The following GRIK2 variants were observed in gnomAD, a reference collection of about 807,000 sequenced individuals.
GRIK2 encodes glutamate ionotropic receptor kainate type subunit 2.
In GRIK2, 32 loss-of-function variants were observed where a neutral mutation model predicts 100.3. The ratio of observed to expected loss-of-function variants is 0.32; its 90% CI spans 0.24 to 0.43. The LOEUF (loss-of-function observed/expected upper bound fraction) is 0.43. Among genes scored for constraint, GRIK2 ranks in the 20% least tolerant of loss-of-function variants. The pLI is 1.00. For synonymous variants in GRIK2, 417 were observed against 389.4 expected (o/e 1.07, Z -0.83); for missense variants, 843 against 1,114.9 (o/e 0.76, Z 3.47).
At chr6:101,983,925 G>T (rs565408394) in intron 14 of GRIK2, among the ~76,000 whole-genome samples, 1 of 151,480 alleles carries the variant, frequency 6.6e-6, no homozygotes, top group South Asian at 2.1e-4. Flanking sequence ...TGAAAATTTT[G>T]GAAATATGTT....
At chr6:101,867,178 G>A (rs956108286) in intron 11 of GRIK2, among the ~76,000 whole-genome samples, 1 of 151,528 alleles carries the variant, frequency 6.6e-6, no homozygotes. Flanking sequence ...TTCCTTTTAC[G>A]CCCTTTCTGA....
intron 4 of GRIK2, among the ~76,000 whole-genome samples, chr6:101,676,053 A>G (rs1202008150): frequency 6.6e-6 from 1 of 152,200 alleles, no homozygotes; most frequent in Non-Finnish European, 1.5e-5. Context: ...AAGGCAATCT[A>G]GAATAATAAT....
intron 2 of GRIK2, among the ~76,000 whole-genome samples, chr6:101,447,284 C>T (rs1470529716): frequency 2.0e-5 from 3 of 151,450 alleles, no homozygotes; most frequent in African/African-American, 7.3e-5. Context: ...TGCCTCTTTC[C>T]ACAAATTTCC....
chr6:101,586,575 A>G (rs1314302447), intron 2 of GRIK2, among the ~76,000 whole-genome samples: 1 of 152,036 alleles, frequency 6.6e-6, no homozygotes, highest in Non-Finnish European at 1.5e-5. Context: ...GACAAAAGTC[A>G]TTGACACTGA....
intron 2 of GRIK2, among the ~76,000 whole-genome samples, chr6:101,604,727 T>C (rs1779368058): frequency 6.6e-6 from 1 of 151,964 alleles, no homozygotes; most frequent in African/African-American, 2.4e-5. Flanking sequence ...TATTTAGATA[T>C]GTAATGACCT....
chr6:101,580,540 C>A (rs1778026883), intron 2 of GRIK2, among the ~76,000 whole-genome samples: 1 of 152,152 alleles, frequency 6.6e-6, no homozygotes, highest in African/African-American at 2.4e-5. Context: ...TCACCTGCAT[C>A]TATCCATTGT....
At chr6:101,590,834 CTA>C (rs1166762101) in intron 2 of GRIK2, among the ~76,000 whole-genome samples, 1 of 151,992 alleles carries the variant, frequency 6.6e-6, no homozygotes, top group Non-Finnish European at 1.5e-5. Flanking sequence ...TAGACATTAA[CTA>C]TCTTTTACTA....
At chr6:101,491,049 C>T (rs1401574599) in intron 2 of GRIK2, among the ~76,000 whole-genome samples, 1 of 128,746 alleles carries the variant, frequency 7.8e-6, no homozygotes, top group African/African-American at 3.2e-5. Flanking sequence ...TCTACCACTC[C>T]TTGATGACCT....
chr6:101,930,371 A>G (rs1193208777), intron 14 of GRIK2, among the ~76,000 whole-genome samples: 1 of 151,774 alleles, frequency 6.6e-6, no homozygotes, highest in Non-Finnish European at 1.5e-5. Context: ...AAAATAAAAT[A>G]AATAAGTCGC....
chr6:101,548,993 A>G (rs1444300777), intron 2 of GRIK2, among the ~76,000 whole-genome samples: 2 of 152,108 alleles, frequency 1.3e-5, no homozygotes, highest in Non-Finnish European at 2.9e-5. Flanking sequence ...CCAGATGGTT[A>G]TTGAGTGTAT....
intron 10 of GRIK2, among the ~76,000 whole-genome samples, chr6:101,855,999 AT>A (rs913898356): frequency 3.9e-5 from 6 of 152,196 alleles, no homozygotes; most frequent in Non-Finnish European, 8.8e-5. Flanking sequence ...GAATTTGAGA[AT>A]GATTGCCTGG....
chr6:101,436,624 G>T lies in GRIK2; in HGVS notation c.115+37232G>T, dbSNP rs557845573. 1.7e-4 allele frequency among the ~76,000 whole-genome samples: 26 copies of T among 151,918 alleles called. No homozygotes were observed. In the East Asian group the frequency reaches 5.0e-3, roughly 29 times the overall value. On this transcript the variant is annotated intron_variant, in intron 2 of 16. Coordinates refer to ENST00000369134, the MANE Select transcript of GRIK2 (RefSeq NM_021956.5). ...CTGGATAGAGAATATATAATTTGGG[G>T]AATTGGTATCTTCAGCAAATTTTCA... is the stretch of plus-strand genomic sequence containing the variant.
At chr6:101,747,823 C>G (rs763689231) in intron 7 of GRIK2, among the ~76,000 whole-genome samples, 1 of 151,878 alleles carries the variant, frequency 6.6e-6, no homozygotes, top group Non-Finnish European at 1.5e-5. Flanking sequence ...GAGGTCACAG[C>G]TCATGAAAGA....
At chr6:101,799,857 G>A (rs998041596) in intron 8 of GRIK2, 66 bp downstream of exon 8, 1 of 1,337,796 alleles carries the variant, frequency 7.5e-7, no homozygotes, top group African/African-American at 1.5e-5. Flanking sequence ...TGAGATTATT[G>A]TGGTTTTTCT....
At chr6:102,036,610 G>A (rs1409879210) in intron 15 of GRIK2, among the ~76,000 whole-genome samples, 2 of 151,112 alleles carry the variant, frequency 1.3e-5, no homozygotes, top group Non-Finnish European at 3.0e-5. Context: ...AGAAAGAAGA[G>A]AGAGGAGAGA....
chr6:101,818,389 C>G lies in GRIK2; in HGVS notation c.1223C>G (p.Ala408Gly). 1 of 1,601,534 alleles carries G rather than the reference C, an allele frequency of 6.2e-7. No homozygotes were observed. The highest frequency in any genetic ancestry group is 8.6e-7 in the Non-Finnish European group (1 of 1,168,696). ...TTATAGATTGGAACGTGGGATCCAG[C>G]CAGTGGCCTGAATATGACAGAAAGT... Reference protein sequence around the residue: ...GLEKIGTWDPASGLNMTESQK... With the variant: ...GLEKIGTWDPGSGLNMTESQK... The change falls in exon 10 of 17, where the codon GCC becomes GGC. Residue 408 changes from alanine to glycine, a missense_variant. Coordinates refer to ENST00000369134, the MANE Select transcript of GRIK2 (RefSeq NM_021956.5).
intron 2 of GRIK2, among the ~76,000 whole-genome samples, chr6:101,483,957 A>C (rs1041177983): frequency 6.6e-6 from 1 of 152,244 alleles, no homozygotes; most frequent in African/African-American, 2.4e-5. Context: ...TATTTTGCCA[A>C]CATAAGATTA....
chr6:101,443,828 A>G (rs1046687417), intron 2 of GRIK2, among the ~76,000 whole-genome samples: 1 of 151,820 alleles, frequency 6.6e-6, no homozygotes, highest in Non-Finnish European at 1.5e-5. Flanking sequence ...TCAATTTTAG[A>G]TTGTATTTAT....
At chr6:102,019,259 T>A (rs991927894) in intron 14 of GRIK2, among the ~76,000 whole-genome samples, 1 of 152,070 alleles carries the variant, frequency 6.6e-6, no homozygotes, top group South Asian at 2.1e-4. Context: ...AGATGGATGG[T>A]GTTACAGGAA....
Sources: allele counts gnomAD v4.1 joint callset (sites outside exome capture counted in the v4.1 genomes callset), GRCh38; gene constraint gnomAD v4.1.1; transcripts MANE v1.5; gene names NCBI Gene and HGNC (gene_info 2026-07-23, HGNC 2026-07-21).